Variants in FGD4 observed in about 807,000 individuals in gnomAD.
The protein encoded by FGD4 is FYVE, RhoGEF and PH domain containing 4.
Under a neutral mutation model 102.0 loss-of-function variants are expected in FGD4, and 42 were observed. The ratio of observed to expected loss-of-function variants is 0.41; its 90% CI spans 0.32 to 0.53. The LOEUF (loss-of-function observed/expected upper bound fraction) is 0.53. Among genes scored for constraint, FGD4 ranks in the 20% least tolerant of loss-of-function variants. The pLI is 0.21. For synonymous variants in FGD4, 380 were observed against 375.7 expected (o/e 1.01, Z -0.13); for missense variants, 902 against 1,078.2 (o/e 0.84, Z 2.29).
chr12:32,532,108 A>G (rs936954687), intron 1 of FGD4, among the ~76,000 whole-genome samples: 5 of 152,198 alleles, frequency 3.3e-5, no homozygotes, highest in African/African-American at 4.8e-5. Context: ...CAGTATATAT[A>G]CTATGTTTTC....
chr12:32,539,597 A>G (rs1458155424), intron 1 of FGD4, among the ~76,000 whole-genome samples: 2 of 151,508 alleles, frequency 1.3e-5, no homozygotes, highest in Non-Finnish European at 2.9e-5. Context: ...AAGCCAGTAC[A>G]TGAATTAAAG....
intron 1 of FGD4, among the ~76,000 whole-genome samples, chr12:32,401,934 G>T (rs1237156715): frequency 1.4e-5 from 2 of 142,806 alleles, no homozygotes; most frequent in African/African-American, 5.2e-5. Context: ...ACGGAGTCTG[G>T]CTCTGTCGCC....
intron 1 of FGD4, among the ~76,000 whole-genome samples, chr12:32,410,829 TG>T (rs1446339261): frequency 6.6e-6 from 1 of 152,048 alleles, no homozygotes; most frequent in Non-Finnish European, 1.5e-5. Context: ...TCTGCAAGGC[TG>T]GGGTTGTCCC....
intron 1 of FGD4, among the ~76,000 whole-genome samples, chr12:32,487,034 G>A (rs568823706): frequency 3.3e-5 from 5 of 152,092 alleles, no homozygotes; most frequent in African/African-American, 9.6e-5. Flanking sequence ...ATTATTTCAG[G>A]CTACTAAAAA....
intron 1 of FGD4, among the ~76,000 whole-genome samples, chr12:32,496,305 G>T (rs1937815531): frequency 6.6e-6 from 1 of 152,144 alleles, no homozygotes; most frequent in Non-Finnish European, 1.5e-5. Flanking sequence ...ATTCTGGCCT[G>T]ATCTCAGACC....
chr12:32,599,287 G>A (rs373528621), intron 5 of FGD4, among the ~76,000 whole-genome samples: 1,753 of 150,212 alleles, frequency 0.012, 34 homozygotes, highest in African/African-American at 0.039. Context: ...GAGGTCAGGA[G>A]ATCGAGACCA....
chr12:32,621,805 ATAT>A (rs1256048239), intron 11 of FGD4, among the ~76,000 whole-genome samples: 2 of 152,180 alleles, frequency 1.3e-5, no homozygotes, highest in Non-Finnish European at 2.9e-5. Flanking sequence ...AGGGCAGAAT[ATAT>A]GATGCTCTGC....
At chr12:32,526,705 T>C (rs1013739467) in intron 1 of FGD4, among the ~76,000 whole-genome samples, 1 of 152,322 alleles carries the variant, frequency 6.6e-6, no homozygotes, top group African/African-American at 2.4e-5. Flanking sequence ...GCTCACTCTT[T>C]GGGTCCATGC....
chr12:32,419,137 G>T (rs550164402), intron 1 of FGD4, among the ~76,000 whole-genome samples: 1 of 152,286 alleles, frequency 6.6e-6, no homozygotes, highest in East Asian at 1.9e-4. Flanking sequence ...CTGACCAAGA[G>T]CCTAGGCCTG....
chr12:32,483,664 T>C (rs1943820519), intron 1 of FGD4, among the ~76,000 whole-genome samples: 1 of 152,186 alleles, frequency 6.6e-6, no homozygotes, highest in Admixed American at 6.5e-5. Flanking sequence ...TTTCCTGCAG[T>C]ACTTTTCTGA....
intron 11 of FGD4, among the ~76,000 whole-genome samples, chr12:32,622,504 C>A (rs761331435): frequency 5.1e-4 from 78 of 152,294 alleles, no homozygotes; most frequent in Non-Finnish European, 8.8e-4. Context: ...TCTAAAATTT[C>A]TTATTTACCT....
In FGD4 at chr12:32,582,329, T is replaced by C. The variant is rs1351516350; in HGVS notation, c.873T>C (p.Ser291=). 1.2e-6 allele frequency: 2 copies of C among 1,614,136 alleles called. No individual in the cohort carries two copies. Among genetic ancestry groups the C allele is most frequent in the Non-Finnish European group, 1.7e-6 (2 of 1,180,020 alleles). Residue 291 remains serine (S), a synonymous_variant, in exon 4 of 17, where the codon AGT becomes AGC. Transcript: ENST00000534526. ...GCTGTGATGGAAATGCTTCTGACAG[T>C]AGCTACAGGACTCCAGGCATAGGCC... ...TDSCDGNASD[S]SYRTPGIGPV...
chr12:32,541,807 C>T (rs73303600), intron 1 of FGD4, among the ~76,000 whole-genome samples: 3,398 of 152,246 alleles, frequency 0.022, 125 homozygotes, highest in African/African-American at 0.077. Context: ...GAATTTTGAT[C>T]TATATCTATG....
chr12:32,452,055 C>T (rs1207014512), intron 1 of FGD4, among the ~76,000 whole-genome samples: 3 of 152,130 alleles, frequency 2.0e-5, no homozygotes, highest in Non-Finnish European at 4.4e-5. Flanking sequence ...AATGTGGACA[C>T]TCTGTGAACA....
Position 32,457,925 on chromosome 12 carries a change from ATAAT to A in FGD4, c.166+57971_166+57974del, listed in dbSNP as rs534618659. On this transcript the variant is annotated intron_variant, in intron 1 of 16. Transcript: ENST00000534526. Reference sequence around the variant, plus strand: ...TCTGCTACTGAAATTAAATAATTAAATAATTAATAATTAATGACAGGATTGTTTT... The same window carrying A: ...TCTGCTACTGAAATTAAATAATTAAATAATAATTAATGACAGGATTGTTTT... 1.3e-3 allele frequency among the ~76,000 whole-genome samples: 191 copies of A among 152,198 alleles called. 2 individuals carry two copies. Among genetic ancestry groups the A allele is most frequent in the African/African-American group, 4.5e-3 (186 of 41,544 alleles).
chr12:32,546,371 A>G lies in FGD4; in HGVS notation c.167-17766A>G, dbSNP rs574759993. 2.0e-5 allele frequency among the ~76,000 whole-genome samples: 3 copies of G among 152,306 alleles called. No homozygotes were observed. In the East Asian group the frequency reaches 5.8e-4, roughly 29 times the overall value. Reference sequence around the variant, plus strand: ...GAGCCACCACCCCAGACATGAACCCACTTCTAATGCAAAACACATATTGAC... The same window carrying G: ...GAGCCACCACCCCAGACATGAACCCGCTTCTAATGCAAAACACATATTGAC... On this transcript the variant is annotated intron_variant, in intron 1 of 16. Transcript: ENST00000534526.
chr12:32,547,914 C>G (rs1943357083), intron 1 of FGD4, among the ~76,000 whole-genome samples: 1 of 152,124 alleles, frequency 6.6e-6, no homozygotes, highest in African/African-American at 2.4e-5. Flanking sequence ...CCATGTTGGC[C>G]AGACTGGTCT....
rs1948406988 is a variant in FGD4 at position 32,601,278 on chromosome 12, G to A, written c.1102G>A (p.Val368Ile). 3 of 1,613,688 alleles carry A rather than the reference G, an allele frequency of 1.9e-6. No individual in the cohort carries two copies. The highest frequency in any genetic ancestry group is 1.3e-5 in the African/African-American group (1 of 74,908). The change falls in exon 6 of 17, where the codon GTA (valine) becomes ATA (isoleucine). Residue 368 changes from valine to isoleucine, a missense_variant and splice_region_variant. Coordinates refer to ENST00000534526, the MANE Select transcript of FGD4 (RefSeq NM_001370298.3). The part of the protein sequence containing the change: ...YVNRLDLLDQ[V>I]FYCKLLEEAN... The stretch of plus-strand genomic sequence containing the variant: ...ATGCTTACATTATTCTTTTATTCAG[G>A]TATTTTATTGCAAACTGTTGGAAGA...
chr12:32,460,502 C>CAA (rs111317093), intron 1 of FGD4, among the ~76,000 whole-genome samples: 7,804 of 127,298 alleles, frequency 0.061, 283 homozygotes, highest in Middle Eastern at 0.13. Context: ...GACCCGGTCT[C>CAA]AAAAAAAAAA....
Sources: gnomAD v4.1 joint callset for allele counts (sites outside exome capture counted in the v4.1 genomes callset) on GRCh38, gnomAD v4.1.1 for gene constraint, MANE v1.5 for transcripts, NCBI Gene and HGNC (gene_info 2026-07-23, HGNC 2026-07-21) for gene names.